The following SAMSN1 variants were observed in gnomAD, a reference collection of about 807,000 sequenced individuals.
The protein encoded by SAMSN1 is SAM domain, SH3 domain and nuclear localization signals 1, also known as SAM domain-containing protein SAMSN-1.
Under a neutral mutation model 42.0 loss-of-function variants are expected in SAMSN1, and 31 were observed. That is an observed-to-expected ratio of 0.74 (90% confidence interval 0.55 to 1.00). The LOEUF (loss-of-function observed/expected upper bound fraction) is 1.00. Ranked by LOEUF, SAMSN1 falls within the 50% of genes least tolerant of loss-of-function variation. The pLI is 0.00. For synonymous variants in SAMSN1, 178 were observed against 151.9 expected (o/e 1.17, Z -1.26); for missense variants, 464 against 439.4 (o/e 1.06, Z -0.50).
At chr21:14,593,934 A>G in intron 7 of SAMSN1, 1 of 696,734 alleles carries the variant, frequency 1.4e-6, no homozygotes, top group South Asian at 1.5e-5. Context: ...TATAGAAAAC[A>G]GTGCTTGTGG....
intron 5 of SAMSN1, among the ~76,000 whole-genome samples, chr21:14,507,038 A>C (rs931732967): frequency 6.6e-6 from 1 of 152,200 alleles, no homozygotes; most frequent in Admixed American, 6.5e-5. Context: ...CAAGCGACAT[A>C]CCTCAATATA....
At chr21:14,552,012 T>G (rs1176164646) in intron 2 of SAMSN1, among the ~76,000 whole-genome samples, 1 of 152,148 alleles carries the variant, frequency 6.6e-6, no homozygotes, top group Non-Finnish European at 1.5e-5. Context: ...GAGGGTAATG[T>G]TGAGTTGCTG....
At chr21:14,622,570 C>T (rs1341622416) in intron 2 of SAMSN1, among the ~76,000 whole-genome samples, 2 of 151,884 alleles carry the variant, frequency 1.3e-5, no homozygotes, top group African/African-American at 2.4e-5. Context: ...GAAGTTTAGA[C>T]AAAAAAGAGT....
chr21:14,613,236 G>T (rs986571967), intron 3 of SAMSN1, among the ~76,000 whole-genome samples: 3 of 152,118 alleles, frequency 2.0e-5, no homozygotes, highest in African/African-American at 7.2e-5. Context: ...AAATAAATAT[G>T]TCAATAAATA....
At chr21:14,554,912 G>A (rs1980711024) in intron 2 of SAMSN1, among the ~76,000 whole-genome samples, 1 of 151,922 alleles carries the variant, frequency 6.6e-6, no homozygotes, top group South Asian at 2.1e-4. Context: ...TCCCAGGCTG[G>A]TCTTGAACTC....
chr21:14,522,558 C>T (rs1189201153), intron 1 of SAMSN1, among the ~76,000 whole-genome samples: 1 of 152,100 alleles, frequency 6.6e-6, no homozygotes, highest in Non-Finnish European at 1.5e-5. Context: ...AATGGGATCT[C>T]GGAAATTGCT....
At chr21:14,520,860 C>T (rs1978414483) in intron 2 of SAMSN1, among the ~76,000 whole-genome samples, 1 of 151,698 alleles carries the variant, frequency 6.6e-6, no homozygotes, top group Admixed American at 6.6e-5. Context: ...AGGACTCTTG[C>T]TTTGTTGAGA....
At chr21:14,500,877 C>G (rs1987125544) in intron 5 of SAMSN1, 142 bp from the exon 6 acceptor site, 4 of 717,910 alleles carry the variant, frequency 5.6e-6, no homozygotes, top group African/African-American at 1.8e-5. Flanking sequence ...CATTCACTTG[C>G]TTCAAAAGTT....
chr21:14,500,868 A>G, intron 5 of SAMSN1, 133 bp from the exon 6 acceptor site: 1 of 736,502 alleles, frequency 1.4e-6, no homozygotes, highest in Non-Finnish European at 2.2e-6. Flanking sequence ...AAATCTAAAC[A>G]TTCACTTGCT....
At chr21:14,643,046 G>T in exon 2 of SAMSN1, 3 of 717,262 alleles carry the variant, frequency 4.2e-6, no homozygotes, top group Non-Finnish European at 7.8e-6. Context: ...CCAAAGGGTG[G>T]GATAGGAGAA....
At chr21:14,518,480 G>T (rs918689073) in intron 2 of SAMSN1, among the ~76,000 whole-genome samples, 1 of 151,830 alleles carries the variant, frequency 6.6e-6, no homozygotes, top group Admixed American at 6.5e-5. Flanking sequence ...TGGGTTACAC[G>T]TCCTAAAATA....
intron 1 of SAMSN1, among the ~76,000 whole-genome samples, chr21:14,521,626 A>G (rs1978487235): frequency 6.6e-6 from 1 of 152,130 alleles, no homozygotes; most frequent in East Asian, 1.9e-4. Flanking sequence ...AACAACAACA[A>G]AACACAAACA....
chr21:14,637,877 C>A (rs1983504511), intron 2 of SAMSN1, among the ~76,000 whole-genome samples: 1 of 152,146 alleles, frequency 6.6e-6, no homozygotes, highest in South Asian at 2.1e-4. Flanking sequence ...CTTCTGAAAG[C>A]CAGCCATCCT....
chr21:14,619,456 A>G (rs1047459988), intron 2 of SAMSN1, among the ~76,000 whole-genome samples: 2 of 152,180 alleles, frequency 1.3e-5, no homozygotes, highest in Admixed American at 1.3e-4. Context: ...TGATAAATGG[A>G]CTCATTTACG....
intron 7 of SAMSN1, among the ~76,000 whole-genome samples, chr21:14,492,216 GTGTTTCA>G (rs1433314688): frequency 6.6e-6 from 1 of 152,074 alleles, no homozygotes; most frequent in Non-Finnish European, 1.5e-5. Flanking sequence ...AACTTTGATT[GTGTTTCA>G]CGTTATTGCC....
chr21:14,517,941 C>T (rs1206721469), intron 2 of SAMSN1, among the ~76,000 whole-genome samples: 2 of 152,186 alleles, frequency 1.3e-5, no homozygotes, highest in African/African-American at 2.4e-5. Flanking sequence ...AATATGATCC[C>T]TGGACCAGCG....
intron 1 of SAMSN1, among the ~76,000 whole-genome samples, chr21:14,533,327 C>T (rs1391185832): frequency 6.6e-6 from 1 of 152,118 alleles, no homozygotes; most frequent in Admixed American, 6.5e-5. Context: ...AATACTGAGA[C>T]GAATGCCATA....
chr21:14,639,935 A>G (rs553105242), intron 2 of SAMSN1, among the ~76,000 whole-genome samples: 5 of 152,318 alleles, frequency 3.3e-5, no homozygotes, highest in African/African-American at 1.2e-4. Flanking sequence ...GCTATCCATT[A>G]TCAACCTTCC....
At chr21:14,639,563 G>A (rs1983545545) in intron 2 of SAMSN1, among the ~76,000 whole-genome samples, 2 of 151,892 alleles carry the variant, frequency 1.3e-5, no homozygotes, top group Non-Finnish European at 2.9e-5. Context: ...ATTGCACTGG[G>A]GATTAAATTT....
Sources: allele counts gnomAD v4.1 joint callset (sites outside exome capture counted in the v4.1 genomes callset), GRCh38; gene constraint gnomAD v4.1.1; transcripts MANE v1.5; gene names NCBI Gene and HGNC (gene_info 2026-07-23, HGNC 2026-07-21).